The following SYT2 variants were observed in gnomAD, a reference collection of about 807,000 sequenced individuals.
SYT2 encodes synaptotagmin-2.
A neutral mutation model predicts 39.9 loss-of-function variants in SYT2; 15 were observed. That is an observed-to-expected ratio of 0.38 (90% CI 0.25 to 0.58). The LOEUF (loss-of-function observed/expected upper bound fraction) is 0.58. SYT2 is among the 20% of genes least tolerant of loss of function. The pLI is 0.70. For synonymous variants in SYT2, 181 were observed against 204.5 expected, an observed-to-expected ratio of 0.89 and a Z score of 0.98; for missense variants, 389 against 530.3, an observed-to-expected ratio of 0.73 and a Z score of 2.62.
intron 1 of SYT2, among the ~76,000 whole-genome samples, chr1:202,693,415 C>G (rs556541097): frequency 6.6e-6 from 1 of 152,326 alleles, no homozygotes; most frequent in African/African-American, 2.4e-5. Context: ...TCGCCTGCAT[C>G]TGGGCATGAC....
chr1:202,612,145 A>T (rs1256965290), intron 1 of SYT2, among the ~76,000 whole-genome samples: 2 of 152,256 alleles, frequency 1.3e-5, no homozygotes, highest in Non-Finnish European at 2.9e-5. Flanking sequence ...ACATTTGTTG[A>T]AAAGACTATT....
chr1:202,592,861 AAAC>A lies in SYT2; in HGVS notation c.*3893_*3895del, dbSNP rs1292052817. 5.3e-5 allele frequency: 8 copies of A among 152,240 alleles called. No homozygotes were observed. Among genetic ancestry groups the A allele is most frequent in the Non-Finnish European group, 7.3e-5 (5 of 68,032 alleles). 9.4% of individuals were successfully genotyped at this position (152,240 alleles called of 1,614,324 possible). A position where few individuals can be genotyped will look rare whatever the true frequency, so the allele number is the denominator to read the frequency against. On this transcript the variant is annotated 3_prime_UTR_variant, in exon 9 of 9. Transcript: ENST00000367268. ...GACCAGTTACATTTGAATTTCAGAT[AAAC>A]AACAAATTATTTTTTAGTATATGTC...
intron 3 of SYT2, among the ~76,000 whole-genome samples, chr1:202,604,045 C>T (rs1446976879): frequency 6.6e-6 from 1 of 152,214 alleles, no homozygotes; most frequent in African/African-American, 2.4e-5. Flanking sequence ...CTCAGGGTCA[C>T]TCTTCCGCCT....
At chr1:202,694,894 C>T (rs1653935747) in intron 1 of SYT2, among the ~76,000 whole-genome samples, 1 of 152,100 alleles carries the variant, frequency 6.6e-6, no homozygotes, top group South Asian at 2.1e-4. Context: ...TATACCCACA[C>T]TCATATAAAC....
At chr1:202,624,662 AG>A (rs1163465137) in intron 1 of SYT2, among the ~76,000 whole-genome samples, 1 of 64,852 alleles carries the variant, frequency 1.5e-5, no homozygotes, top group Admixed American at 1.7e-4. Context: ...GGTGTGTAGT[AG>A]TGTGTGTGTG....
In SYT2 at chr1:202,599,746, A is replaced by G. The variant is rs1316667801; in HGVS notation, c.920-395T>C. On this transcript the variant is annotated intron_variant, in intron 7 of 8. Transcript: ENST00000367268. The surrounding 1 kb of genome is among the most constrained non-coding windows in gnomAD (Gnocchi z 4.4). ...CTTGCAGACAAGAAACTGAGGCCAA[A>G]GAACGGAAATGACCTGCCCGAGGTC... 6.6e-6 allele frequency among the ~76,000 whole-genome samples: 1 copy of G among 152,206 alleles called. No individual in the cohort carries two copies. Among genetic ancestry groups the G allele is most frequent in the Admixed American group, 6.5e-5 (1 of 15,280 alleles).
At chr1:202,662,419 G>C (rs1231687431) in intron 1 of SYT2, among the ~76,000 whole-genome samples, 1 of 152,246 alleles carries the variant, frequency 6.6e-6, no homozygotes, top group East Asian at 1.9e-4. Flanking sequence ...GCTCAGGGCA[G>C]CATCTGGAAG....
At chr1:202,616,135 G>A (rs186307183) in intron 1 of SYT2, among the ~76,000 whole-genome samples, 14 of 152,208 alleles carry the variant, frequency 9.2e-5, no homozygotes, top group African/African-American at 2.6e-4. Flanking sequence ...TCCAGTTTCC[G>A]CAGGCCTGTG....
intron 1 of SYT2, among the ~76,000 whole-genome samples, chr1:202,679,904 G>A (rs1653482516): frequency 6.6e-6 from 1 of 152,042 alleles, no homozygotes; most frequent in Non-Finnish European, 1.5e-5. Flanking sequence ...CTTTTCTACT[G>A]TCATCCATGT....
Position 202,623,617 on chromosome 1 carries a change from C to T in SYT2, c.-17-17828G>A, listed in dbSNP as rs887280275. 8.5e-5 allele frequency among the ~76,000 whole-genome samples: 13 copies of T among 152,192 alleles called. No individual in the cohort carries two copies. The highest frequency in any genetic ancestry group is 4.4e-5 in the Non-Finnish European group (3 of 68,022). ...GGACAGATGGAGGCTTGGGGACCAGCGGGCCCTGGGCTGCCTGGTGTAGGA... is the reference window on the plus strand; with the variant it reads ...GGACAGATGGAGGCTTGGGGACCAGTGGGCCCTGGGCTGCCTGGTGTAGGA... On this transcript the variant is annotated intron_variant, in intron 1 of 8. Coordinates refer to ENST00000367268, the MANE Select transcript of SYT2 (RefSeq NM_177402.5). The surrounding 1 kb of genome is among the most constrained non-coding windows in gnomAD (Gnocchi z 4.2).
chr1:202,672,985 AAC>A (rs922941436), intron 1 of SYT2, among the ~76,000 whole-genome samples: 3 of 152,016 alleles, frequency 2.0e-5, no homozygotes, highest in African/African-American at 2.4e-5. Context: ...GAAATAACCA[AAC>A]TAGCAGCTGG....
intron 1 of SYT2, among the ~76,000 whole-genome samples, chr1:202,704,572 G>A (rs974098243): frequency 2.0e-5 from 3 of 151,870 alleles, no homozygotes; most frequent in Non-Finnish European, 4.4e-5. Context: ...TGGAGTCTCC[G>A]AAGGAGAGAA....
At chr1:202,649,967 C>T (rs1692160374) in intron 1 of SYT2, among the ~76,000 whole-genome samples, 1 of 152,252 alleles carries the variant, frequency 6.6e-6, no homozygotes, top group South Asian at 2.1e-4. Context: ...CTCCAGTCTT[C>T]CCTGCACAAA....
intron 1 of SYT2, among the ~76,000 whole-genome samples, chr1:202,685,029 AGAG>A (rs1308697138): frequency 2.0e-5 from 3 of 152,184 alleles, no homozygotes; most frequent in Non-Finnish European, 4.4e-5. Flanking sequence ...AGTGGCATGC[AGAG>A]GAGGACATGG....
At chr1:202,669,898 A>T (rs1281559403) in intron 1 of SYT2, among the ~76,000 whole-genome samples, 1 of 152,196 alleles carries the variant, frequency 6.6e-6, no homozygotes. Context: ...GGCATAACCG[A>T]GGCACTGTCA....
chr1:202,688,144 G>A (rs1572680304), intron 1 of SYT2, among the ~76,000 whole-genome samples: 1 of 152,132 alleles, frequency 6.6e-6, no homozygotes, highest in Non-Finnish European at 1.5e-5. Flanking sequence ...TAGCTTTCAG[G>A]ACAGGACCCA....
chr1:202,689,077 C>T (rs566638225), intron 1 of SYT2, among the ~76,000 whole-genome samples: 2 of 152,226 alleles, frequency 1.3e-5, no homozygotes, highest in African/African-American at 4.8e-5. Context: ...TCTCCTGAGA[C>T]CCCTGAATTA....
chr1:202,598,720 T>A (rs1308731701), intron 8 of SYT2, among the ~76,000 whole-genome samples: 1 of 152,124 alleles, frequency 6.6e-6, no homozygotes, highest in Non-Finnish European at 1.5e-5. Context: ...CTCCAACATT[T>A]ACAGAACTTG....
At position 202,652,964 on chromosome 1, in the gene SYT2, C is replaced by G. The variant is rs1278494880; in HGVS notation, c.-17-47175G>C. ...TCATTTTCCTTCCCACCACCCACCC[C>G]CCCTTAGAGTTTGGATTTCCTCCTA... On this transcript the variant is annotated intron_variant, in intron 1 of 8. Transcript: ENST00000367268. Among the ~76,000 whole-genome samples, 19 of 151,652 alleles carry G rather than the reference C, an allele frequency of 1.3e-4. No individual in the cohort carries two copies. The East Asian group carries it at 3.5e-3, about 28-fold the overall frequency.
Sources: gnomAD v4.1 joint callset for allele counts (sites outside exome capture counted in the v4.1 genomes callset) on GRCh38, gnomAD v4.1.1 for gene constraint, Gnocchi (gnomAD v3.1) non-coding constraint, MANE v1.5 for transcripts, NCBI Gene and HGNC (gene_info 2026-07-23, HGNC 2026-07-21) for gene names.